PCSK6: variants seen among roughly 807,000 people sequenced by gnomAD.
The protein encoded by PCSK6 is proprotein convertase subtilisin/kexin type 6.
Under a neutral mutation model 123.3 loss-of-function variants are expected in PCSK6, and 85 were observed. The observed-to-expected ratio is 0.69, with a 90% CI of 0.58 to 0.83. The LOEUF is 0.83. Ranked by LOEUF, PCSK6 falls within the 40% of genes least tolerant of loss-of-function variation. The pLI, the probability that PCSK6 is intolerant of heterozygous loss-of-function variation, is 0.00. For synonymous variants in PCSK6, 508 were observed against 516.0 expected, an observed-to-expected ratio of 0.98 and a Z score of 0.21; for missense variants, 1,191 against 1,282.3, an observed-to-expected ratio of 0.93 and a Z score of 1.09.
intron 1 of PCSK6, among the ~76,000 whole-genome samples, chr15:101,488,858 C>T (rs1009461475): frequency 5.9e-5 from 9 of 151,324 alleles, no homozygotes. Flanking sequence ...CGCCGGGCCA[C>T]GCTCATGTCA....
At chr15:101,311,114 C>CT (rs370067056) in intron 20 of PCSK6, among the ~76,000 whole-genome samples, 13 of 148,966 alleles carry the variant, frequency 8.7e-5, no homozygotes, top group East Asian at 2.0e-4. Context: ...CAACTCCTGA[C>CT]TTTTTTTTTT....
intron 6 of PCSK6, among the ~76,000 whole-genome samples, chr15:101,414,066 C>G (rs1409997136): frequency 6.6e-6 from 1 of 152,102 alleles, no homozygotes; most frequent in Non-Finnish European, 1.5e-5. Flanking sequence ...AAGTAGACTT[C>G]AGAGCAAAAA....
rs1056275903 is a variant in PCSK6 at position 101,314,985 on chromosome 15, G to A, written c.2570-1480C>T. On this transcript the variant is annotated intron_variant, in intron 19 of 21. Transcript: ENST00000611716. ...CCAGGCGGGGTGCCACTCTGAGTGG[G>A]GTTTGGGAGCTGTTCAGGGCCTGCC... Among the ~76,000 whole-genome samples, 3 of 152,308 alleles carry A rather than the reference G, an allele frequency of 2.0e-5. No individual in the cohort carries two copies. In the South Asian group the frequency reaches 6.2e-4, roughly 32 times the overall value.
At chr15:101,379,632 G>T (rs1030930673) in intron 11 of PCSK6, among the ~76,000 whole-genome samples, 1 of 152,230 alleles carries the variant, frequency 6.6e-6, no homozygotes, top group Non-Finnish European at 1.5e-5. Context: ...ATGAGAGGAA[G>T]AAATCAGAAT....
intron 1 of PCSK6, among the ~76,000 whole-genome samples, chr15:101,481,363 G>A (rs7171009): frequency 0.098 from 14,329 of 146,206 alleles, 1,383 homozygotes; most frequent in East Asian, 0.37. Context: ...GTGACGGGTG[G>A]GAAGGCTGAG....
At chr15:101,388,956 A>AAT in intron 9 of PCSK6, among the ~76,000 whole-genome samples, 1 of 152,202 alleles carries the variant, frequency 6.6e-6, no homozygotes, top group Admixed American at 6.5e-5. Flanking sequence ...TATTCATCGA[A>AAT]GTCTTAGGCC....
intron 6 of PCSK6, among the ~76,000 whole-genome samples, chr15:101,419,342 G>A (rs1046037091): frequency 5.9e-5 from 9 of 151,876 alleles, no homozygotes; most frequent in Admixed American, 1.3e-4. Context: ...AAAAAATCTA[G>A]ATATATATCT....
rs895095419 is a variant in PCSK6, at chr15:101,398,337, T to G, written c.996+67A>C. Reference sequence around the variant, plus strand: ...AGGGCTGTGGCCAGTGTCACTCTGATACTTGTTAAAATGTTTACTGTCACC... The same window carrying G: ...AGGGCTGTGGCCAGTGTCACTCTGAGACTTGTTAAAATGTTTACTGTCACC... On this transcript the variant is annotated intron_variant, in intron 7 of 21. Transcript: ENST00000611716. The surrounding 1 kb of genome is among the most constrained non-coding windows in gnomAD (Gnocchi z 4.6). 148 of 1,519,658 alleles carry G rather than the reference T, an allele frequency of 9.7e-5. No individual in the cohort carries two copies. The highest frequency in any genetic ancestry group is 1.2e-4 in the Non-Finnish European group (132 of 1,119,124). 94.1% of individuals were successfully genotyped at this position (1,519,658 alleles called of 1,614,324 possible). A position where few individuals can be genotyped will look rare whatever the true frequency, so the allele number is the denominator to read the frequency against.
chr15:101,372,978 G>A (rs1329897655), intron 11 of PCSK6, among the ~76,000 whole-genome samples: 1 of 152,034 alleles, frequency 6.6e-6, no homozygotes, highest in Admixed American at 6.5e-5. Flanking sequence ...ATAAGGCACA[G>A]GGATGAGAGA....
At chr15:101,410,258 G>T (rs762528809) in intron 6 of PCSK6, among the ~76,000 whole-genome samples, 1 of 152,192 alleles carries the variant, frequency 6.6e-6, no homozygotes, top group Non-Finnish European at 1.5e-5. Flanking sequence ...GCAGGCCCCA[G>T]CAGGAAGGGC....
intron 13 of PCSK6, among the ~76,000 whole-genome samples, chr15:101,341,646 G>C (rs958070570): frequency 6.6e-5 from 10 of 152,296 alleles, no homozygotes; most frequent in South Asian, 4.1e-4. Context: ...TCAAAAATGG[G>C]TTGAAGTAAA....
chr15:101,447,177 C>T (rs1310705909), intron 1 of PCSK6, among the ~76,000 whole-genome samples: 2 of 152,142 alleles, frequency 1.3e-5, no homozygotes, highest in African/African-American at 4.8e-5. Flanking sequence ...ACCCCAGGTA[C>T]GAGGAGGTTC....
At chr15:101,383,963 G>A in intron 10 of PCSK6, 1 of 281,348 alleles carries the variant, frequency 3.6e-6, no homozygotes, top group Middle Eastern at 1.9e-3. Flanking sequence ...TCAAATTCCT[G>A]GGCTCAAGCA....
chr15:101,386,255 G>C (rs1307888957), intron 9 of PCSK6, among the ~76,000 whole-genome samples: 7 of 152,164 alleles, frequency 4.6e-5, no homozygotes, highest in Non-Finnish European at 1.0e-4. Flanking sequence ...AGACGCAGAA[G>C]AGAGAGAGCT....
intron 2 of PCSK6, among the ~76,000 whole-genome samples, chr15:101,436,051 T>C (rs569272384): frequency 6.6e-6 from 1 of 152,236 alleles, no homozygotes; most frequent in African/African-American, 2.4e-5. Flanking sequence ...AAACTTTCAC[T>C]CATGAGCCAG....
At chr15:101,374,373 C>T (rs563388037) in intron 11 of PCSK6, among the ~76,000 whole-genome samples, 1 of 152,136 alleles carries the variant, frequency 6.6e-6, no homozygotes, top group African/African-American at 2.4e-5. Flanking sequence ...GGAAGACGGG[C>T]CACAGGCTGA....
At chr15:101,397,026 C>A (rs1283067895) in intron 7 of PCSK6, among the ~76,000 whole-genome samples, 3 of 152,038 alleles carry the variant, frequency 2.0e-5, no homozygotes, top group Admixed American at 2.0e-4. Context: ...CAGAGTGACA[C>A]CAAGTCCTTC....
rs146623250 is a variant in PCSK6 at position 101,479,140 on chromosome 15, G to A, written c.297+10234C>T. Among the ~76,000 whole-genome samples the A allele has an allele frequency of 2.2e-3, 336 of 152,290 alleles. 3 individuals are homozygous for A. The highest frequency in any genetic ancestry group is 7.5e-3 in the African/African-American group (312 of 41,570). On this transcript the variant is annotated intron_variant, in intron 1 of 21. Transcript: ENST00000611716. ...GAGAGACACCCCGCACGCCATGGCC[G>A]AGCCCCTCCGTGGAGCTCGGAGAGG...
intron 13 of PCSK6, chr15:101,364,771 C>A: frequency 2.3e-6 from 1 of 444,158 alleles, no homozygotes; most frequent in South Asian, 7.2e-5. Context: ...ACCAGAATTC[C>A]AACTACCTTT....
Sources: allele counts gnomAD v4.1 joint callset (sites outside exome capture counted in the v4.1 genomes callset), GRCh38; gene constraint gnomAD v4.1.1; non-coding constraint Gnocchi (gnomAD v3.1); transcripts MANE v1.5; gene names NCBI Gene and HGNC (gene_info 2026-07-23, HGNC 2026-07-21).